Variants in MAPKAP1 observed in about 807,000 individuals in gnomAD.
MAPKAP1 encodes target of rapamycin complex 2 subunit MAPKAP1.
In MAPKAP1, 20 loss-of-function variants were observed where a neutral mutation model predicts 65.7. That is an observed-to-expected ratio of 0.30 (90% CI 0.21 to 0.44). The LOEUF (loss-of-function observed/expected upper bound fraction) is 0.44, where lower values mean the gene tolerates loss of function less well. Among genes scored for constraint, MAPKAP1 ranks in the 20% least tolerant of loss-of-function variants. The probability of loss-of-function intolerance (pLI) is 1.00; values close to 1 mark genes in which losing one functional copy is unlikely to be tolerated. For synonymous variants in MAPKAP1, 222 were observed against 244.3 expected (o/e 0.91, Z 0.85); for missense variants, 423 against 648.0 (o/e 0.65, Z 3.77).
At chr9:125,629,476 A>C (rs1232454728) in intron 4 of MAPKAP1, among the ~76,000 whole-genome samples, 1 of 152,256 alleles carries the variant, frequency 6.6e-6, no homozygotes, top group Non-Finnish European at 1.5e-5. Flanking sequence ...TGAGGACATG[A>C]TGCTAAGTGA....
chr9:125,497,695 T>C (rs1828847783), intron 8 of MAPKAP1, among the ~76,000 whole-genome samples: 1 of 152,254 alleles, frequency 6.6e-6, no homozygotes, highest in Non-Finnish European at 1.5e-5. Flanking sequence ...AAGGTCTGCC[T>C]GATTCTAATG....
intron 10 of MAPKAP1, among the ~76,000 whole-genome samples, chr9:125,464,425 G>A (rs1167799825): frequency 6.6e-6 from 1 of 152,016 alleles, no homozygotes; most frequent in Non-Finnish European, 1.5e-5. Flanking sequence ...CTGACAGAGG[G>A]AATCACTCAT....
chr9:125,628,040 T>A (rs1177021543), intron 4 of MAPKAP1, among the ~76,000 whole-genome samples: 2 of 152,188 alleles, frequency 1.3e-5, no homozygotes, highest in East Asian at 3.8e-4. Flanking sequence ...TTGCTGGTGT[T>A]AGAAAGATAA....
At chr9:125,624,412 C>T (rs1564588734) in intron 4 of MAPKAP1, among the ~76,000 whole-genome samples, 1 of 98,056 alleles carries the variant, frequency 1.0e-5, no homozygotes, top group African/African-American at 3.7e-5. Flanking sequence ...CCCGGCCAGC[C>T]GCCCCGTCCG....
intron 6 of MAPKAP1, among the ~76,000 whole-genome samples, chr9:125,556,175 G>A (rs1830729296): frequency 6.6e-6 from 1 of 152,196 alleles, no homozygotes; most frequent in South Asian, 2.1e-4. Flanking sequence ...CTGTGAGGTA[G>A]GTATTATTAT....
chr9:125,467,820 T>C (rs1853735995), intron 10 of MAPKAP1, 152 bp downstream of exon 10: 1 of 837,858 alleles, frequency 1.2e-6, no homozygotes, highest in Non-Finnish European at 1.8e-6. Context: ...CATAATACAA[T>C]CCCGTTTGAT....
intron 9 of MAPKAP1, among the ~76,000 whole-genome samples, chr9:125,481,968 A>G (rs932482380): frequency 7.3e-5 from 11 of 151,592 alleles, no homozygotes; most frequent in African/African-American, 2.7e-4. Context: ...CGTCTCTACT[A>G]AAAATACAAA....
At chr9:125,689,769 G>A (rs1835110624) in intron 1 of MAPKAP1, among the ~76,000 whole-genome samples, 1 of 148,804 alleles carries the variant, frequency 6.7e-6, no homozygotes, top group Middle Eastern at 3.4e-3. Flanking sequence ...AGAAGAATGA[G>A]AGCAACGCTA....
chr9:125,472,068 T>C (rs10986772), intron 9 of MAPKAP1, among the ~76,000 whole-genome samples: 99,486 of 152,108 alleles, frequency 0.65, 32,798 homozygotes, highest in East Asian at 0.8. Flanking sequence ...GTAACTTGCC[T>C]AAGATCACCC....
intron 10 of MAPKAP1, among the ~76,000 whole-genome samples, chr9:125,459,659 A>G (rs941836975): frequency 6.6e-6 from 1 of 152,244 alleles, no homozygotes; most frequent in Non-Finnish European, 1.5e-5. Context: ...CGAAAAAAAT[A>G]CGAAAGCCAG....
chr9:125,517,215 G>T (rs1829486065), intron 7 of MAPKAP1, among the ~76,000 whole-genome samples: 1 of 152,168 alleles, frequency 6.6e-6, no homozygotes, highest in African/African-American at 2.4e-5. Flanking sequence ...AAAAAGAATT[G>T]TAAGGTTTAG....
chr9:125,668,799 CA>C (rs1181205109), intron 3 of MAPKAP1, among the ~76,000 whole-genome samples: 1 of 152,030 alleles, frequency 6.6e-6, no homozygotes, highest in Non-Finnish European at 1.5e-5. Flanking sequence ...TGCATATATG[CA>C]AAAAAGACTG....
intron 4 of MAPKAP1, among the ~76,000 whole-genome samples, chr9:125,640,247 G>A (rs1833538742): frequency 6.6e-6 from 1 of 152,088 alleles, no homozygotes. Flanking sequence ...GGGACTACAG[G>A]TGCCCGCCAC....
rs1835373020 is a variant in MAPKAP1, at chr9:125,696,050, GAA to G, written c.-70+10919_-70+10920del. Among the ~76,000 whole-genome samples the G allele has an allele frequency of 4.6e-5, 7 of 152,242 alleles. No individual in the cohort carries two copies. The South Asian group carries it at 1.5e-3, about 32-fold the overall frequency. On this transcript the variant is annotated intron_variant, in intron 1 of 11. Coordinates refer to ENST00000265960, the MANE Select transcript of MAPKAP1 (RefSeq NM_001006617.3). ...TCAATTATAAAGTATATGATAATTA[GAA>G]AAGAGTAAAAGGCAACAATTCATCA...
chr9:125,440,553 C>T (rs1178087728), intron 11 of MAPKAP1, among the ~76,000 whole-genome samples: 1 of 152,222 alleles, frequency 6.6e-6, no homozygotes, highest in East Asian at 1.9e-4. Flanking sequence ...GGGAGAGGAG[C>T]TTCTGCTGAC....
At chr9:125,622,432 CTTTTATTTTATA>C (rs1360225256) in intron 4 of MAPKAP1, among the ~76,000 whole-genome samples, 1 of 151,894 alleles carries the variant, frequency 6.6e-6, no homozygotes, top group East Asian at 1.9e-4. Context: ...AATTATTATT[CTTTTATTTTATA>C]TTTTATTTTA....
At chr9:125,494,771 G>A (rs1025413425) in intron 8 of MAPKAP1, among the ~76,000 whole-genome samples, 10 of 152,030 alleles carry the variant, frequency 6.6e-5, no homozygotes, top group Non-Finnish European at 1.3e-4. Flanking sequence ...CTCATTATTG[G>A]ACTAACTCCT....
Position 125,475,246 on chromosome 9 carries a change from C to G in MAPKAP1, c.1208-7137G>C, listed in dbSNP as rs542836580. Among the ~76,000 whole-genome samples, 5 of 152,206 alleles carry G rather than the reference C, an allele frequency of 3.3e-5. No individual in the cohort carries two copies. In the East Asian group the frequency reaches 9.6e-4, roughly 29 times the overall value. ...GGGCTTAAACAGACCAGCTCACCTG[C>G]CATGCAGGAGTACTGCATATTCACA... On this transcript the variant is annotated intron_variant, in intron 9 of 11. Coordinates refer to ENST00000265960, the MANE Select transcript of MAPKAP1 (RefSeq NM_001006617.3).
chr9:125,532,689 C>G (rs754343338), intron 7 of MAPKAP1, among the ~76,000 whole-genome samples: 1 of 152,218 alleles, frequency 6.6e-6, no homozygotes, highest in Non-Finnish European at 1.5e-5. Flanking sequence ...ACATTAACCC[C>G]CTACAGTTGC....
Sources: gnomAD v4.1 joint callset for allele counts (sites outside exome capture counted in the v4.1 genomes callset) on GRCh38, gnomAD v4.1.1 for gene constraint, MANE v1.5 for transcripts, NCBI Gene and HGNC (gene_info 2026-07-23, HGNC 2026-07-21) for gene names.